EVPL: variants seen among roughly 807,000 people sequenced by gnomAD.
EVPL encodes the protein 210 kDa cornified envelope precursor protein.
A neutral mutation model predicts 129.7 loss-of-function variants in EVPL; 94 were observed. That is an observed-to-expected ratio of 0.72 (90% CI 0.61 to 0.86). The LOEUF (loss-of-function observed/expected upper bound fraction) is 0.86. Among genes scored for constraint, EVPL ranks in the 40% least tolerant of loss-of-function variants. EVPL has a pLI of 0.00. For missense variants in EVPL, 2,625 were observed against 2,721.1 expected, an observed-to-expected ratio of 0.96 and a Z score of 0.79; for synonymous variants, 1,172 against 1,191.1, an observed-to-expected ratio of 0.98 and a Z score of 0.33.
Position 76,007,098 on chromosome 17 carries a change from CCG to C in EVPL, c.*3_*4del. The C allele has an allele frequency of 1.4e-6, 2 of 1,455,200 alleles. No homozygotes were observed. Among genetic ancestry groups the C allele is most frequent in the Non-Finnish European group, 1.8e-6 (2 of 1,103,340 alleles). 90.1% of individuals were successfully genotyped at this position (1,455,200 alleles called of 1,614,324 possible). Reference sequence around the variant, plus strand: ...CGCACTTCCCCACTGGCTCCTTGGCCCGTGTCAGCGAAGGGAGCGCGGGACGG... The same window carrying C: ...CGCACTTCCCCACTGGCTCCTTGGCCTGTCAGCGAAGGGAGCGCGGGACGG... On this transcript the variant is annotated 3_prime_UTR_variant, in exon 22 of 22. Coordinates refer to ENST00000301607, the MANE Select transcript of EVPL (RefSeq NM_001988.4). The surrounding 1 kb of genome is among the most constrained non-coding windows in gnomAD (Gnocchi z 8.8).
At chr17:76,017,451 C>T (rs752855123) in intron 14 of EVPL, among the ~76,000 whole-genome samples, 14 of 152,166 alleles carry the variant, frequency 9.2e-5, no homozygotes, top group Non-Finnish European at 1.8e-4. Context: ...GGGGTGTTGA[C>T]ATTGGGCCCT....
At position 76,007,580 on chromosome 17, in the gene EVPL, C is replaced by T; in HGVS notation, c.5625G>A (p.Glu1875=). 1 of 1,614,082 alleles carries T rather than the reference C, an allele frequency of 6.2e-7. No individual in the cohort carries two copies. The highest frequency in any genetic ancestry group is 1.3e-5 in the African/African-American group (1 of 75,074). The change falls in exon 22 of 22, where the codon GAG becomes GAA. Residue 1875 remains glutamate (E), a synonymous_variant. Transcript: ENST00000301607. The surrounding 1 kb of genome is among the most constrained non-coding windows in gnomAD (Gnocchi z 8.8). ...CCATCGCCTTGTGCACAGAGTAGCG[C>T]TCACGGCTGAGCAGGTCCACGATGC... ...TGGIVDLLSR[E]RYSVHKAMER...
At position 76,024,551 on chromosome 17, in the gene EVPL, T is replaced by C. The variant is rs527521152; in HGVS notation, c.99-431A>G. 6.6e-6 allele frequency among the ~76,000 whole-genome samples: 1 copy of C among 151,932 alleles called. No homozygotes were observed. The highest frequency in any genetic ancestry group is 2.0e-4 in the East Asian group (1 of 5,124). Reference sequence around the variant, plus strand: ...GCTGGGGCAGGGAGGCAGCAGCATGTCCCCCATCCCCACCTCCTCGCACTC... The same window carrying C: ...GCTGGGGCAGGGAGGCAGCAGCATGCCCCCCATCCCCACCTCCTCGCACTC... On this transcript the variant is annotated intron_variant, in intron 1 of 21. Transcript: ENST00000301607. This position sits in a 1 kb window ranked among gnomAD's most constrained non-coding sequence, Gnocchi z 4.5.
At position 76,015,237 on chromosome 17, in the gene EVPL, C is replaced by T. The variant is rs2066409805; in HGVS notation, c.2018G>A (p.Ser673Asn). 2 of 1,595,368 alleles carry T rather than the reference C, an allele frequency of 1.3e-6. No individual in the cohort carries two copies. The highest frequency in any genetic ancestry group is 1.7e-6 in the Non-Finnish European group (2 of 1,174,794). Residue 673 changes from serine to asparagine, a missense_variant, in exon 16 of 22, where the codon AGC becomes AAC. Physicochemically the swap from Ser to Asn is conservative, Grantham distance 46 (BLOSUM62 1). Transcript: ENST00000301607. ...AEPGALQERV[S>N]ELQRQRRELL... Reference sequence around the variant, plus strand: ...CGGCTGGTCCCTTACCTGCAGCTCGCTGACCCTCTCCTGCAGAGCCCCCGG... The same window carrying T: ...CGGCTGGTCCCTTACCTGCAGCTCGTTGACCCTCTCCTGCAGAGCCCCCGG...
Position 76,014,972 on chromosome 17 carries a change from G to T in EVPL, c.2166C>A (p.Arg722=). Residue 722 remains arginine, a synonymous_variant, in exon 17 of 22, where the codon CGC becomes CGA. Transcript: ENST00000301607. ...EFCQDLPRQQ[R]QVRALTDRYH... is the part of the protein sequence containing the mutation. ...AGCGGTCGGTGAGGGCTCGCACCTG[G>T]CGCTGCTGGCGAGGCAGGTCTTGGC... 6.3e-7 allele frequency: 1 copy of T among 1,597,104 alleles called. No homozygotes were observed.
intron 10 of EVPL, 135 bp from the exon 11 acceptor site, chr17:76,019,195 G>A (rs569371401): frequency 4.5e-4 from 434 of 973,932 alleles, no homozygotes; most frequent in Admixed American, 5.9e-4. Flanking sequence ...AGTAAAAGGA[G>A]CCCCTCTCTG....
intron 18 of EVPL, chr17:76,012,360 G>A (rs2066384442): frequency 7.9e-6 from 3 of 380,416 alleles, no homozygotes; most frequent in African/African-American, 2.1e-5. Context: ...AGGTTGGAGT[G>A]CGTGATCTCG....
In EVPL at chr17:76,012,004, A is replaced by G. The variant is rs776229394; in HGVS notation, c.2457+2T>C. On this transcript the variant is annotated splice_donor_variant, in intron 19 of 21. Coordinates refer to ENST00000301607, the MANE Select transcript of EVPL (RefSeq NM_001988.4). LOFTEE classifies it high-confidence loss of function. ...GGGGCAAGCTGAAGGCAAGCTGCTT[A>G]CCTGGAGCGCTGCCTGCAGGGCCTG... is the stretch of plus-strand genomic sequence containing the variant. The G allele has an allele frequency of 1.2e-6, 2 of 1,612,148 alleles. No individual in the cohort carries two copies. Among genetic ancestry groups the G allele is most frequent in the African/African-American group, 1.3e-5 (1 of 74,896 alleles).
In EVPL at chr17:76,018,927, C is replaced by T. The variant is rs2066437825; in HGVS notation, c.1271G>A (p.Trp424Ter). ...GGGAGTTCGCACTTCTCCTGAGTCC[C>T]AGTCGCAGATGCTGTCCACGTGCAG... ...QPLHVDSICD[W>*]DSGEVQLLQG... is the part of the protein sequence containing the mutation. Residue 424 changes from tryptophan (W) to a stop codon, truncating the protein, a stop_gained, in exon 11 of 22, where the codon TGG becomes TAG. Coordinates refer to ENST00000301607, the MANE Select transcript of EVPL (RefSeq NM_001988.4). LOFTEE classifies it high-confidence loss of function. 2 of 1,536,510 alleles carry T rather than the reference C, an allele frequency of 1.3e-6. No homozygotes were observed. The highest frequency in any genetic ancestry group is 1.7e-6 in the Non-Finnish European group (2 of 1,144,088).
At position 76,009,269 on chromosome 17, in the gene EVPL, C is replaced by T. The variant is rs1271503909; in HGVS notation, c.3936G>A (p.Thr1312=). Residue 1312 remains threonine (T), a synonymous_variant, in exon 22 of 22, where the codon ACG becomes ACA. Transcript: ENST00000301607. The surrounding 1 kb of genome is among the most constrained non-coding windows in gnomAD (Gnocchi z 5.9). ...RRERAKVETK[T]VSKEVVRHEK... Reference sequence around the variant, plus strand: ...CGTGGCGCACCACCTCCTTGCTCACCGTCTTGGTCTCCACCTTGGCCCGCT... The same window carrying T: ...CGTGGCGCACCACCTCCTTGCTCACTGTCTTGGTCTCCACCTTGGCCCGCT... 1.2e-6 allele frequency: 2 copies of T among 1,607,732 alleles called. No individual in the cohort carries two copies. The highest frequency in any genetic ancestry group is 1.3e-5 in the African/African-American group (1 of 74,936).
At position 76,024,148 on chromosome 17, in the gene EVPL, C is replaced by G. The variant is rs1214879368; in HGVS notation, c.99-28G>C. The G allele has an allele frequency of 1.9e-6, 3 of 1,605,582 alleles. No individual in the cohort carries two copies. The highest frequency in any genetic ancestry group is 4.5e-5 in the East Asian group (2 of 44,464). On this transcript the variant is annotated intron_variant, in intron 1 of 21. Transcript: ENST00000301607. The surrounding 1 kb of genome is among the most constrained non-coding windows in gnomAD (Gnocchi z 4.5). ...AGTGTGTGGAGGGGACAGCGGGTAG[C>G]TCGGTGGAAGAGGCCCCTCTGTGCC...
chr17:76,008,031 T>C lies in EVPL; in HGVS notation c.5174A>G (p.Glu1725Gly). The C allele has an allele frequency of 6.2e-7, 1 of 1,614,014 alleles. No homozygotes were observed. The change falls in exon 22 of 22, where the codon GAG (glutamate) becomes GGG (glycine). Residue 1725 changes from glutamate to glycine, a missense_variant. By Grantham distance (98) the Glu-to-Gly change is moderately conservative. Around this residue, in one of 4 missense-constraint regions of EVPL, gnomAD observed 1,453 missense variants for 1,511.8 expected, o/e 0.96. Coordinates refer to ENST00000301607, the MANE Select transcript of EVPL (RefSeq NM_001988.4). This position sits in a 1 kb window ranked among gnomAD's most constrained non-coding sequence, Gnocchi z 7.4. The stretch of plus-strand genomic sequence containing the variant: ...CCCACAGGGCCCCGAGGTGGTGACC[T>C]CCTCCCAGTCACACTCGAGCTCCTG... ...QLQELECDWE[E>G]VTTSGPCGEE...
At position 76,021,909 on chromosome 17, in the gene EVPL, G is replaced by A. The variant is rs761893465; in HGVS notation, c.765C>T (p.Ser255=). 3 of 1,560,992 alleles carry A rather than the reference G, an allele frequency of 1.9e-6. No individual in the cohort carries two copies. The highest frequency in any genetic ancestry group is 2.3e-5 in the South Asian group (2 of 86,216). Residue 255 remains serine (S), a synonymous_variant, in exon 7 of 22, where the codon AGC becomes AGT. Coordinates refer to ENST00000301607, the MANE Select transcript of EVPL (RefSeq NM_001988.4). ...CGCCCGCAGGGTCGGCCATGAGGTC[G>A]CTCCAGTCCTGCTGCAGGATGCGGC... The part of the protein sequence containing the change: ...QQRRILQQDW[S]DLMADPAGVR...
intron 14 of EVPL, among the ~76,000 whole-genome samples, chr17:76,015,865 C>T (rs928793096): frequency 6.6e-6 from 1 of 152,126 alleles, no homozygotes; most frequent in Non-Finnish European, 1.5e-5. Context: ...TAGGAGGGGC[C>T]GGGCGCAGTG....
rs768065645 is a variant in EVPL at position 76,009,644 on chromosome 17, C to A, written c.3561G>T (p.Arg1187Ser). ...CGCGCTCCTGGAGCTGCACTTTGGG[C>A]CTCTGCTTCTCCACCACGCTGTACT... ...HSKYSVVEKQRPKVQLQERVH... is the reference protein window; with the variant it reads ...HSKYSVVEKQSPKVQLQERVH... The change falls in exon 22 of 22, where the codon AGG becomes AGT. Residue 1187 changes from arginine to serine, a missense_variant. Coordinates refer to ENST00000301607, the MANE Select transcript of EVPL (RefSeq NM_001988.4). This position sits in a 1 kb window ranked among gnomAD's most constrained non-coding sequence, Gnocchi z 5.9. The A allele has an allele frequency of 1.2e-6, 2 of 1,613,818 alleles. No homozygotes were observed. The highest frequency in any genetic ancestry group is 1.1e-5 in the South Asian group (1 of 91,090).
rs1228091250 is a variant in EVPL at position 76,022,640 on chromosome 17, G to A, written c.481-102C>T. 2.8e-6 allele frequency: 4 copies of A among 1,446,646 alleles called. No homozygotes were observed. The highest frequency in any genetic ancestry group is 3.7e-6 in the Non-Finnish European group (4 of 1,089,656). The allele number at this position is 1,446,646 out of a possible 1,614,324, so 89.6% of individuals were successfully genotyped here. ...AGAAGTGGACTTGGTCATTTGGGCA[G>A]AGCGTGGACGAGCCTGGGAGCAGCC... On this transcript the variant is annotated intron_variant, in intron 4 of 21. Coordinates refer to ENST00000301607, the MANE Select transcript of EVPL (RefSeq NM_001988.4). This position sits in a 1 kb window ranked among gnomAD's most constrained non-coding sequence, Gnocchi z 5.6.
rs774794218 is a variant in EVPL at position 76,010,360 on chromosome 17, G to A, written c.2845C>T (p.Arg949Trp). The A allele has an allele frequency of 5.0e-6, 8 of 1,613,846 alleles. No individual in the cohort carries two copies. The highest frequency in any genetic ancestry group is 2.2e-5 in the East Asian group (1 of 44,880). ...TTCTCCTCCAGCCTCTCCAAGGGCCGCTGGGTCCTCAGCTGCAGCAGTTGG... is the reference window on the plus strand; with the variant it reads ...TTCTCCTCCAGCCTCTCCAAGGGCCACTGGGTCCTCAGCTGCAGCAGTTGG... ...RSQLLQLRTQRPLERLEEKEV... is the reference protein window; with the variant it reads ...RSQLLQLRTQWPLERLEEKEV... The change falls in exon 22 of 22, where the codon CGG (arginine) becomes TGG (tryptophan). Residue 949 changes from arginine to tryptophan, a missense_variant. Around this residue, in one of 4 missense-constraint regions of EVPL, gnomAD observed 1,453 missense variants for 1,511.8 expected, o/e 0.96. Transcript: ENST00000301607.
rs2071195 is a variant in EVPL, at chr17:76,015,371, G to A, written c.1890-6C>T. On this transcript the variant is annotated splice_polypyrimidine_tract_variant and splice_region_variant and intron_variant, in intron 15 of 21. Coordinates refer to ENST00000301607, the MANE Select transcript of EVPL (RefSeq NM_001988.4). ...GATCCAGGGCAGCCTTGGCTCTGCC[G>A]CAGAGGAGGCAAGGCTCAGACACTC... 0.37 allele frequency: 590,239 copies of A among 1,601,238 alleles called. 115,276 individuals carry two copies. The highest frequency in any genetic ancestry group is 0.67 in the East Asian group (29,803 of 44,732).
rs547355405 is a variant in EVPL, at chr17:76,009,344, G to C, written c.3861C>G (p.Ser1287=). 1 of 1,612,768 alleles carries C rather than the reference G, an allele frequency of 6.2e-7. No individual in the cohort carries two copies. Among genetic ancestry groups the C allele is most frequent in the African/African-American group, 1.3e-5 (1 of 75,036 alleles). The change falls in exon 22 of 22, where the codon TCC becomes TCG. Residue 1287 remains serine (S), a synonymous_variant. Transcript: ENST00000301607. This position sits in a 1 kb window ranked among gnomAD's most constrained non-coding sequence, Gnocchi z 5.9. ...CCTGCAGGCGGATGAGCTGCTCCTGGGAGCGCCCGTGGCTGTTGACGAGCT... is the reference window on the plus strand; with the variant it reads ...CCTGCAGGCGGATGAGCTGCTCCTGCGAGCGCCCGTGGCTGTTGACGAGCT... ...LNELVNSHGR[S]QEQLIRLQGE...
Sources: allele counts gnomAD v4.1 joint callset (sites outside exome capture counted in the v4.1 genomes callset), GRCh38; gene constraint gnomAD v4.1.1; regional missense constraint gnomAD v4.1.1; non-coding constraint Gnocchi (gnomAD v3.1); transcripts MANE v1.5; gene names NCBI Gene and HGNC (gene_info 2026-07-23, HGNC 2026-07-21).